Variants in RHOBTB2 observed in about 807,000 individuals in gnomAD.
The protein encoded by RHOBTB2 is Rho related BTB domain containing 2.
RHOBTB2 carries 39 observed loss-of-function variants against 66.5 expected under a neutral mutation model. That is an observed-to-expected ratio of 0.59 (90% confidence interval 0.45 to 0.77). RHOBTB2 has a LOEUF of 0.77. RHOBTB2 is among the 30% of genes least tolerant of loss of function. The probability of loss-of-function intolerance (pLI) is 0.00; values close to 1 mark genes in which losing one functional copy is unlikely to be tolerated. For missense variants in RHOBTB2, 755 were observed against 999.1 expected, an observed-to-expected ratio of 0.76 and a Z score of 3.29; for synonymous variants, 390 against 395.0, an observed-to-expected ratio of 0.99 and a Z score of 0.15.
At chr8:22,967,733 G>A in the RHOBTB2 span, among the ~76,000 whole-genome samples, 1 of 84,926 alleles carries the variant, frequency 1.2e-5, no homozygotes, top group Non-Finnish European at 3.3e-5. Flanking sequence ...GCAGAATGGA[G>A]AGTTATTGTT....
At chr8:22,982,236 C>T in the RHOBTB2 span, among the ~76,000 whole-genome samples, 4 of 152,306 alleles carry the variant, frequency 2.6e-5, no homozygotes, top group East Asian at 1.9e-4. Flanking sequence ...GTTTTAAACC[C>T]GTTCTCCCTG....
intron 7 of RHOBTB2, 88 bp from the exon 8 acceptor site, chr8:23,014,602 A>G (rs1250916200): frequency 8.0e-6 from 10 of 1,250,162 alleles, no homozygotes. Context: ...GGTTTTCCTC[A>G]CCCTGAAGTG....
At chr8:22,959,821 C>T in the RHOBTB2 span, among the ~76,000 whole-genome samples, 1 of 151,824 alleles carries the variant, frequency 6.6e-6, no homozygotes, top group Admixed American at 6.6e-5. Context: ...TGAGGACTGA[C>T]CAGGGAAGAT....
the RHOBTB2 span, among the ~76,000 whole-genome samples, chr8:22,971,768 C>T: frequency 1.3e-5 from 2 of 152,254 alleles, no homozygotes; most frequent in Non-Finnish European, 2.9e-5. Context: ...TGTGACTTTC[C>T]CTCAGGTTTT....
chr8:22,997,702 G>A (rs1024489500), upstream of RHOBTB2, among the ~76,000 whole-genome samples: 1 of 152,196 alleles, frequency 6.6e-6, no homozygotes, highest in Admixed American at 6.5e-5. Flanking sequence ...CTCCACAGGG[G>A]CTATGGTCCT....
chr8:22,970,881 C>A, the RHOBTB2 span, among the ~76,000 whole-genome samples: 1 of 152,180 alleles, frequency 6.6e-6, no homozygotes, highest in African/African-American at 2.4e-5. Context: ...CTCCGTTTGT[C>A]CCCTCAATGT....
the RHOBTB2 span, among the ~76,000 whole-genome samples, chr8:22,959,060 G>GA: frequency 1.3e-5 from 2 of 152,272 alleles, no homozygotes; most frequent in South Asian, 4.1e-4. Context: ...TTCCAGGTTT[G>GA]AAAATCCATT....
chr8:22,999,571 T>C lies in RHOBTB2; in HGVS notation c.-545T>C. 2 of 1,216,648 alleles carry C rather than the reference T, an allele frequency of 1.6e-6. No homozygotes were observed. The highest frequency in any genetic ancestry group is 2.1e-6 in the Non-Finnish European group (2 of 959,460). The allele number at this position is 1,216,648 out of a possible 1,614,324, so 75.4% of individuals were successfully genotyped here. On this transcript the variant is annotated 5_prime_UTR_variant, in exon 1 of 10. Coordinates refer to ENST00000251822, the MANE Select transcript of RHOBTB2 (RefSeq NM_015178.3). ...GCGGGGCCCGTCACGGCTGTCGTCTTGGGTGCGATTTTTTTCTCCTCCTTT... is the reference window on the plus strand; with the variant it reads ...GCGGGGCCCGTCACGGCTGTCGTCTCGGGTGCGATTTTTTTCTCCTCCTTT...
chr8:22,964,143 T>C, the RHOBTB2 span, among the ~76,000 whole-genome samples: 2 of 152,138 alleles, frequency 1.3e-5, 1 homozygote, highest in Admixed American at 1.3e-4. Context: ...TACCATCAGA[T>C]CTCATGAGAC....
intron 7 of RHOBTB2, among the ~76,000 whole-genome samples, chr8:23,013,408 T>G (rs1381419494): frequency 6.6e-6 from 1 of 152,092 alleles, no homozygotes; most frequent in African/African-American, 2.4e-5. Context: ...GCACTTTTTA[T>G]GGGCATACTG....
At chr8:22,969,778 G>A in the RHOBTB2 span, among the ~76,000 whole-genome samples, 3 of 152,098 alleles carry the variant, frequency 2.0e-5, no homozygotes, top group African/African-American at 7.2e-5. Context: ...TTTCAGACAG[G>A]GTCTCACTCG....
the RHOBTB2 span, among the ~76,000 whole-genome samples, chr8:22,981,408 A>G: frequency 0.18 from 27,908 of 151,920 alleles, 2,811 homozygotes; most frequent in Middle Eastern, 0.27. Context: ...CTGGTGTAGG[A>G]CCCCCTCACC....
In RHOBTB2 at chr8:23,002,922, C is replaced by G. The variant is rs147857604; in HGVS notation, c.-10-1503C>G. Among the ~76,000 whole-genome samples, 92 of 152,306 alleles carry G rather than the reference C, an allele frequency of 6.0e-4. No homozygotes were observed. In the East Asian group the frequency reaches 8.1e-3, roughly 13 times the overall value. On this transcript the variant is annotated intron_variant, in intron 1 of 9. Transcript: ENST00000251822. ...CACTCGCACGGATCCCAGTTGCTAT[C>G]GTTACTTGGATATTTCGGTCTGCAT...
intron 1 of RHOBTB2, among the ~76,000 whole-genome samples, chr8:23,002,112 C>T (rs921338959): frequency 6.6e-6 from 1 of 152,218 alleles, no homozygotes; most frequent in Non-Finnish European, 1.5e-5. Flanking sequence ...CTCATTCCCC[C>T]GCTTCTGTCT....
At chr8:22,983,745 T>C (rs577978666), upstream of RHOBTB2, among the ~76,000 whole-genome samples, 1 of 152,250 alleles carries the variant, frequency 6.6e-6, no homozygotes, top group African/African-American at 2.4e-5. Context: ...TAACGTGTTT[T>C]TTTTTTTGAG....
intron 9 of RHOBTB2, among the ~76,000 whole-genome samples, chr8:23,016,879 G>A (rs990390587): frequency 2.6e-5 from 4 of 152,054 alleles, no homozygotes; most frequent in African/African-American, 9.7e-5. Context: ...TTCCCCCTCG[G>A]AACCTTAGCT....
chr8:23,004,933 G>T lies in RHOBTB2; in HGVS notation c.192+307G>T, dbSNP rs1810902137. On this transcript the variant is annotated intron_variant, in intron 2 of 9. Coordinates refer to ENST00000251822, the MANE Select transcript of RHOBTB2 (RefSeq NM_015178.3). The surrounding 1 kb of genome is among the most constrained non-coding windows in gnomAD (Gnocchi z 6.4). The stretch of plus-strand genomic sequence containing the variant: ...TAATGGGGAGCACTGGAGGGCTGGG[G>T]CTTGGAAGAGATACAAGCTGAGAGG... The T allele has an allele frequency of 4.3e-6, 2 of 468,846 alleles. No individual in the cohort carries two copies. Among genetic ancestry groups the T allele is most frequent in the African/African-American group, 2.0e-5 (1 of 51,166 alleles). The allele number at this position is 468,846 out of a possible 1,614,324, so 29.0% of individuals were successfully genotyped here.
At position 23,019,357 on chromosome 8, in the gene RHOBTB2, C is replaced by G. The variant is rs1044937896; in HGVS notation, c.*1888C>G. The G allele has an allele frequency of 2.6e-5, 4 of 153,038 alleles. No individual in the cohort carries two copies. Among genetic ancestry groups the G allele is most frequent in the South Asian group, 4.1e-4 (2 of 4,840 alleles). 9.5% of individuals were successfully genotyped at this position (153,038 alleles called of 1,614,324 possible). On this transcript the variant is annotated 3_prime_UTR_variant, in exon 10 of 10. Coordinates refer to ENST00000251822, the MANE Select transcript of RHOBTB2 (RefSeq NM_015178.3). The stretch of plus-strand genomic sequence containing the variant: ...CCCCTCCAGGACTGTGGCTGCCTCC[C>G]CTCCACGGCCTCCAGGGCGGCTGGC...
chr8:22,979,380 A>C, the RHOBTB2 span, among the ~76,000 whole-genome samples: 1 of 152,190 alleles, frequency 6.6e-6, no homozygotes, highest in Admixed American at 6.5e-5. Context: ...TAATTTTACC[A>C]TCCGGAGATA....
Sources: gnomAD v4.1 joint callset for allele counts (sites outside exome capture counted in the v4.1 genomes callset) on GRCh38, gnomAD v4.1.1 for gene constraint, Gnocchi (gnomAD v3.1) non-coding constraint, MANE v1.5 for transcripts, NCBI Gene and HGNC (gene_info 2026-07-23, HGNC 2026-07-21) for gene names.